Variants in PAPSS2 observed in about 807,000 individuals in gnomAD.
PAPSS2 encodes 3'-phosphoadenosine 5'-phosphosulfate synthase 2.
Under a neutral mutation model 66.5 loss-of-function variants are expected in PAPSS2, and 61 were observed. The observed-to-expected ratio is 0.92, with a 90% confidence interval of 0.75 to 1.14. The LOEUF (loss-of-function observed/expected upper bound fraction) is 1.14. Among genes scored for constraint, PAPSS2 ranks in the 50% most tolerant of loss-of-function variants. PAPSS2 has a pLI of 0.00. For synonymous variants in PAPSS2, 289 were observed against 287.5 expected, an observed-to-expected ratio of 1.01 and a Z score of -0.05; for missense variants, 708 against 789.6, an observed-to-expected ratio of 0.90 and a Z score of 1.24.
At chr10:87,666,152 C>T (rs1330162381) in intron 1 of PAPSS2, among the ~76,000 whole-genome samples, 6 of 151,908 alleles carry the variant, frequency 3.9e-5, no homozygotes, top group Non-Finnish European at 4.4e-5. Context: ...TTAGTTGAGA[C>T]GGGTTTTCAC....
chr10:87,726,385 G>C (rs764293972), intron 8 of PAPSS2, among the ~76,000 whole-genome samples: 1 of 152,330 alleles, frequency 6.6e-6, no homozygotes, highest in African/African-American at 2.4e-5. Context: ...AGCCAAGATC[G>C]TGCCAGTGAA....
chr10:87,665,050 T>C lies in PAPSS2; in HGVS notation c.27+5042T>C, dbSNP rs183974917. On this transcript the variant is annotated intron_variant, in intron 1 of 12. Coordinates refer to ENST00000456849, the MANE Select transcript of PAPSS2 (RefSeq NM_001015880.2). Reference sequence around the variant, plus strand: ...ACTCTCCCCTCTTCTCTTTGTGTGCTTGGTTATTTTTGACTGGGTATTTGT... The same window carrying C: ...ACTCTCCCCTCTTCTCTTTGTGTGCCTGGTTATTTTTGACTGGGTATTTGT... Among the ~76,000 whole-genome samples, 271 of 152,326 alleles carry C rather than the reference T, an allele frequency of 1.8e-3. 1 individual carries two copies. The highest frequency in any genetic ancestry group is 6.0e-3 in the African/African-American group (248 of 41,570).
At chr10:87,677,355 T>C (rs1852962544) in intron 1 of PAPSS2, among the ~76,000 whole-genome samples, 1 of 152,210 alleles carries the variant, frequency 6.6e-6, no homozygotes, top group Admixed American at 6.5e-5. Context: ...CTATATTATT[T>C]TGAAGTGAAT....
At chr10:87,744,268 C>T (rs1342598753) in intron 11 of PAPSS2, among the ~76,000 whole-genome samples, 3 of 152,156 alleles carry the variant, frequency 2.0e-5, no homozygotes, top group Admixed American at 1.3e-4. Flanking sequence ...AGTTACTCTC[C>T]ATGCCCTGTG....
chr10:87,710,790 C>T (rs1232295615), intron 2 of PAPSS2, among the ~76,000 whole-genome samples: 1 of 152,162 alleles, frequency 6.6e-6, no homozygotes, highest in Middle Eastern at 3.2e-3. Flanking sequence ...CACCTGACAT[C>T]AGGAGTTCAA....
At chr10:87,700,961 G>A (rs1433402912) in intron 1 of PAPSS2, among the ~76,000 whole-genome samples, 1 of 151,664 alleles carries the variant, frequency 6.6e-6, no homozygotes, top group South Asian at 2.1e-4. Flanking sequence ...TAATTGTATC[G>A]AGGTAGCTAG....
At chr10:87,660,046 C>T (rs746920517) in intron 1 of PAPSS2, 38 bp downstream of exon 1, 9 of 1,600,038 alleles carry the variant, frequency 5.6e-6, no homozygotes, top group African/African-American at 4.0e-5. Flanking sequence ...CCCGCCACCG[C>T]ACTGCACGCG....
chr10:87,694,038 C>CT (rs547090168), intron 1 of PAPSS2, among the ~76,000 whole-genome samples: 357 of 152,340 alleles, frequency 2.3e-3, no homozygotes, highest in African/African-American at 8.2e-3. Context: ...TATTAAACTT[C>CT]TGTTACTCAT....
chr10:87,702,699 G>C (rs1044052154), intron 1 of PAPSS2, among the ~76,000 whole-genome samples: 1 of 152,128 alleles, frequency 6.6e-6, no homozygotes, highest in African/African-American at 2.4e-5. Flanking sequence ...GGGGATTCAA[G>C]GGCACGTGCT....
chr10:87,735,932 T>G (rs1018707308), intron 9 of PAPSS2, among the ~76,000 whole-genome samples: 4 of 152,220 alleles, frequency 2.6e-5, no homozygotes, highest in African/African-American at 9.6e-5. Context: ...ATGGGGACTG[T>G]GAACCAGGTC....
chr10:87,718,409 C>T (rs775315077), intron 7 of PAPSS2, among the ~76,000 whole-genome samples: 2 of 152,156 alleles, frequency 1.3e-5, no homozygotes, highest in Admixed American at 6.5e-5. Flanking sequence ...TCCCACTTTC[C>T]ATGTAATCCA....
At chr10:87,709,048 A>G (rs1853430640) in intron 1 of PAPSS2, 148 bp from the exon 2 acceptor site, 3 of 562,224 alleles carry the variant, frequency 5.3e-6, no homozygotes, top group Non-Finnish European at 9.8e-6. Context: ...GAATGGACAA[A>G]GGTGAGTCTC....
At chr10:87,714,714 A>G (rs369591068) in intron 4 of PAPSS2, 31 bp from the exon 5 acceptor site, 2 of 1,151,658 alleles carry the variant, frequency 1.7e-6, no homozygotes, top group East Asian at 4.7e-5. Flanking sequence ...GTCAATACAG[A>G]TGCGATGATT....
intron 9 of PAPSS2, among the ~76,000 whole-genome samples, chr10:87,729,183 C>G (rs1041822414): frequency 4.6e-5 from 7 of 151,834 alleles, no homozygotes; most frequent in African/African-American, 1.7e-4. Flanking sequence ...ACAGGCATAC[C>G]TCATTTTACT....
chr10:87,678,538 C>T (rs1397252208), intron 1 of PAPSS2, among the ~76,000 whole-genome samples: 1 of 152,044 alleles, frequency 6.6e-6, no homozygotes, highest in African/African-American at 2.4e-5. Context: ...ATATTGCATA[C>T]TATCTTCTGA....
intron 9 of PAPSS2, among the ~76,000 whole-genome samples, chr10:87,728,074 A>C (rs148004215): frequency 6.6e-6 from 1 of 152,292 alleles, no homozygotes; most frequent in Non-Finnish European, 1.5e-5. Flanking sequence ...AAATGTGTTC[A>C]TCTGATAGGA....
At chr10:87,718,813 GT>G (rs1589436463) in intron 7 of PAPSS2, among the ~76,000 whole-genome samples, 1 of 152,336 alleles carries the variant, frequency 6.6e-6, no homozygotes, top group East Asian at 1.9e-4. Flanking sequence ...GTTCCACAGT[GT>G]TAGAGAATTG....
intron 1 of PAPSS2, among the ~76,000 whole-genome samples, chr10:87,700,417 G>T (rs185364411): frequency 1.3e-5 from 2 of 152,276 alleles, no homozygotes; most frequent in Admixed American, 1.3e-4. Flanking sequence ...AGCACTTTGG[G>T]ATGTTGAGGC....
chr10:87,706,112 G>A (rs376789594), intron 1 of PAPSS2, among the ~76,000 whole-genome samples: 4,740 of 78,004 alleles, frequency 0.061, 167 homozygotes, highest in African/African-American at 0.08. Context: ...ATATATATGT[G>A]TGTGTGTGTG....
Sources: allele counts gnomAD v4.1 joint callset (sites outside exome capture counted in the v4.1 genomes callset), GRCh38; gene constraint gnomAD v4.1.1; transcripts MANE v1.5; gene names NCBI Gene and HGNC (gene_info 2026-07-23, HGNC 2026-07-21).